The following MERTK variants were observed in gnomAD, a reference collection of about 807,000 sequenced individuals.
MERTK encodes the protein tyrosine-protein kinase Mer.
MERTK carries 69 observed loss-of-function variants against 99.3 expected under a neutral mutation model. That is an observed-to-expected ratio of 0.70 (90% CI 0.57 to 0.85). The LOEUF (loss-of-function observed/expected upper bound fraction) is 0.85. Among genes scored for constraint, MERTK ranks in the 40% least tolerant of loss-of-function variants. MERTK has a pLI of 0.00. For synonymous variants in MERTK, 426 were observed against 467.6 expected, an observed-to-expected ratio of 0.91 and a Z score of 1.15; for missense variants, 1,125 against 1,249.4, an observed-to-expected ratio of 0.90 and a Z score of 1.50.
Position 112,019,482 on chromosome 2 carries a change from A to C in MERTK, c.2149A>C (p.Arg717=). The C allele has an allele frequency of 1.2e-6, 2 of 1,614,006 alleles. No homozygotes were observed. The highest frequency in any genetic ancestry group is 8.5e-7 in the Non-Finnish European group (1 of 1,179,880). The change falls in exon 16 of 19, where the codon AGG becomes CGG. Residue 717 remains arginine (R), a synonymous_variant. Transcript: ENST00000295408. The stretch of plus-strand genomic sequence containing the variant: ...CCTGGGAATGGAGTATCTGAGCAAC[A>C]GGAATTTTCTTCATCGAGATTTAGC... ...IALGMEYLSN[R]NFLHRDLAAR...
rs1418422196 is a variant in MERTK, at chr2:111,965,210, C to T, written c.777C>T (p.Val259=). 4 of 1,614,114 alleles carry T rather than the reference C, an allele frequency of 2.5e-6. No individual in the cohort carries two copies. The highest frequency in any genetic ancestry group is 3.4e-6 in the Non-Finnish European group (4 of 1,180,046). The part of the protein sequence containing the change: ...LTVPGLTEMA[V]FSCEAHNDKG... ...TTCCAGGCCTGACGGAGATGGCGGT[C>T]TTCAGTTGTGAGGCCCACAATGACA... The change falls in exon 5 of 19, where the codon GTC becomes GTT. Residue 259 remains valine, a synonymous_variant. Transcript: ENST00000295408.
chr2:111,952,240 T>G (rs1284372148), intron 4 of MERTK: 1 of 161,722 alleles, frequency 6.2e-6, no homozygotes, highest in Non-Finnish European at 1.4e-5. Context: ...GACTACTAGG[T>G]TTAGCTGGAA....
At chr2:111,907,259 A>C (rs1187263889) in intron 1 of MERTK, among the ~76,000 whole-genome samples, 2 of 152,118 alleles carry the variant, frequency 1.3e-5, no homozygotes, top group East Asian at 3.9e-4. Context: ...TACTAAATAC[A>C]AAAAATTAGC....
chr2:111,973,103 T>C (rs956165490), intron 6 of MERTK, among the ~76,000 whole-genome samples: 18 of 152,136 alleles, frequency 1.2e-4, no homozygotes, highest in African/African-American at 4.3e-4. Context: ...CCCATGTACT[T>C]CTTGCCACTT....
In MERTK at chr2:111,939,499, T is replaced by A. The variant is rs562493327; in HGVS notation, c.483-5461T>A. On this transcript the variant is annotated intron_variant, in intron 2 of 18. Coordinates refer to ENST00000295408, the MANE Select transcript of MERTK (RefSeq NM_006343.3). ...CACTTAATTAATTAATTAATTAATT[T>A]GAGACAGGGTCTCACTCTATCTTCC... is the stretch of plus-strand genomic sequence containing the variant. Among the ~76,000 whole-genome samples, 13 of 151,986 alleles carry A rather than the reference T, an allele frequency of 8.6e-5. 1 individual carries two copies. The highest frequency in any genetic ancestry group is 2.4e-4 in the African/African-American group (10 of 41,430).
intron 13 of MERTK, among the ~76,000 whole-genome samples, chr2:112,007,191 G>C (rs1274440719): frequency 6.6e-6 from 1 of 152,134 alleles, no homozygotes; most frequent in Admixed American, 6.5e-5. Flanking sequence ...GTCTCGCTCT[G>C]TTGCCCAGGC....
At position 112,019,513 on chromosome 2, in the gene MERTK, G is replaced by A. The variant is rs878853354; in HGVS notation, c.2180G>A (p.Arg727Gln). ...TTTCTTCATCGAGATTTAGCTGCTC[G>A]AAACTGCATGTAAGAGTCCTCGGCT... Reference protein sequence around the residue: ...RNFLHRDLAARNCMLRDDMTV... With the variant: ...RNFLHRDLAAQNCMLRDDMTV... Residue 727 changes from arginine (R) to glutamine (Q), a missense_variant, in exon 16 of 19, where the codon CGA becomes CAA. By Grantham distance (43) the Arg-to-Gln change is conservative. Transcript: ENST00000295408. 1.1e-5 allele frequency: 17 copies of A among 1,610,068 alleles called. No individual in the cohort carries two copies. Among genetic ancestry groups the A allele is most frequent in the Non-Finnish European group, 1.4e-5 (16 of 1,176,258 alleles).
intron 1 of MERTK, among the ~76,000 whole-genome samples, chr2:111,920,935 C>T (rs1405720084): frequency 2.0e-5 from 3 of 152,160 alleles, no homozygotes; most frequent in Non-Finnish European, 4.4e-5. Context: ...GGATTACAGG[C>T]GTGAGCCACT....
chr2:111,980,985 G>A (rs6725192), intron 7 of MERTK, among the ~76,000 whole-genome samples: 94,042 of 152,004 alleles, frequency 0.62, 29,479 homozygotes, highest in Middle Eastern at 0.69. Flanking sequence ...GGAGGAGGCA[G>A]ACATACAGAC....
At chr2:111,945,167 T>C (rs1684942622) in intron 3 of MERTK, 107 bp downstream of exon 3, 1 of 848,272 alleles carries the variant, frequency 1.2e-6, no homozygotes, top group Non-Finnish European at 1.9e-6. Flanking sequence ...TATTTATAAC[T>C]CTGTATGCAA....
intron 2 of MERTK, among the ~76,000 whole-genome samples, chr2:111,931,353 T>C (rs983041592): frequency 1.3e-5 from 2 of 152,206 alleles, no homozygotes; most frequent in Non-Finnish European, 1.5e-5. Context: ...TTTGACTATA[T>C]TTTTTCTGCA....
intron 15 of MERTK, chr2:112,015,732 G>T (rs1378124620): frequency 2.6e-5 from 4 of 153,268 alleles, no homozygotes; most frequent in African/African-American, 9.7e-5. Context: ...TCATGTCTAA[G>T]AACTCTTTGC....
At chr2:111,899,333 G>C (rs528738564) in intron 1 of MERTK, among the ~76,000 whole-genome samples, 8 of 152,280 alleles carry the variant, frequency 5.3e-5, no homozygotes, top group South Asian at 2.1e-4. Context: ...GACGGGCCAG[G>C]GGGGGACGGC....
At chr2:111,919,507 T>C (rs1197278107) in intron 1 of MERTK, among the ~76,000 whole-genome samples, 1 of 152,018 alleles carries the variant, frequency 6.6e-6, no homozygotes, top group Admixed American at 6.5e-5. Context: ...TGGAAGAAGA[T>C]AGTGAAAAGT....
intron 4 of MERTK, among the ~76,000 whole-genome samples, chr2:111,961,791 A>C (rs1259304971): frequency 1.3e-5 from 2 of 152,178 alleles, no homozygotes; most frequent in Non-Finnish European, 2.9e-5. Flanking sequence ...CACTAATATA[A>C]AAAGGATCAG....
chr2:111,991,285 G>A (rs1380586525), intron 8 of MERTK, among the ~76,000 whole-genome samples: 1 of 152,142 alleles, frequency 6.6e-6, no homozygotes, highest in Non-Finnish European at 1.5e-5. Flanking sequence ...GAGTGTGGTG[G>A]CGTGATCTTG....
chr2:111,937,699 C>A (rs1480237282), intron 2 of MERTK, among the ~76,000 whole-genome samples: 1 of 152,078 alleles, frequency 6.6e-6, no homozygotes, highest in South Asian at 2.1e-4. Flanking sequence ...AATCTAATTT[C>A]TTTAACCAAA....
chr2:111,946,525 AAG>A (rs1684964738), intron 3 of MERTK, among the ~76,000 whole-genome samples: 1 of 152,158 alleles, frequency 6.6e-6, no homozygotes, highest in Non-Finnish European at 1.5e-5. Context: ...TGATTTTGGA[AAG>A]TACGGTAGAT....
rs1676401069 is a variant in MERTK at position 111,982,935 on chromosome 2, A to T, written c.1238A>T (p.Gln413Leu). ...IRWMKPPTKQ[Q>L]DGELVGYRIS... The stretch of plus-strand genomic sequence containing the variant: ...TGGATGAAGCCTCCGACTAAGCAGC[A>T]GGATGGAGAACTGGTGGGCTACCGG... The change falls in exon 8 of 19, where the codon CAG (glutamine) becomes CTG (leucine). Residue 413 changes from glutamine (Q) to leucine (L), a missense_variant. Coordinates refer to ENST00000295408, the MANE Select transcript of MERTK (RefSeq NM_006343.3). 1.3e-5 allele frequency: 21 copies of T among 1,614,202 alleles called. No homozygotes were observed. Among genetic ancestry groups the T allele is most frequent in the Non-Finnish European group, 1.7e-5 (20 of 1,180,030 alleles).
Sources: allele counts gnomAD v4.1 joint callset (sites outside exome capture counted in the v4.1 genomes callset), GRCh38; gene constraint gnomAD v4.1.1; transcripts MANE v1.5; gene names NCBI Gene and HGNC (gene_info 2026-07-23, HGNC 2026-07-21).